The following COA1 variants were observed in gnomAD, a reference collection of about 807,000 sequenced individuals.
COA1 encodes the protein cytochrome c oxidase assembly factor 1.
Under a neutral mutation model 16.0 loss-of-function variants are expected in COA1, and 13 were observed. The ratio of observed to expected loss-of-function variants is 0.81; its 90% confidence interval spans 0.53 to 1.29. The LOEUF is 1.29. Ranked by LOEUF, COA1 falls within the 50% of genes most tolerant of loss-of-function variation. The probability of loss-of-function intolerance (pLI) is 0.00; values close to 1 mark genes in which losing one functional copy is unlikely to be tolerated. For missense variants in COA1, 179 were observed against 177.0 expected, an observed-to-expected ratio of 1.01 and a Z score of -0.06; for synonymous variants, 65 against 65.7, an observed-to-expected ratio of 0.99 and a Z score of 0.05.
At chr7:43,644,791 C>G (rs977088999) in intron 4 of COA1, among the ~76,000 whole-genome samples, 1,093 of 23,472 alleles carry the variant, frequency 0.047, 27 homozygotes, top group African/African-American at 0.089. Context: ...GGCAGGCAGG[C>G]AGAGAGACAG....
intron 1 of COA1, among the ~76,000 whole-genome samples, chr7:43,677,118 T>C (rs2093561546): frequency 6.6e-6 from 1 of 152,264 alleles, no homozygotes; most frequent in Admixed American, 6.5e-5. Context: ...TCTATATGTT[T>C]TTCTTGTAAG....
chr7:43,631,668 T>C (rs2085184133), intron 6 of COA1: 1 of 152,228 alleles, frequency 6.6e-6, no homozygotes, highest in African/African-American at 2.4e-5. Flanking sequence ...CTTTCAAGCT[T>C]TTTTCTGTCT....
chr7:43,655,648 T>C (rs1563272488), intron 1 of COA1, among the ~76,000 whole-genome samples: 1 of 152,038 alleles, frequency 6.6e-6, no homozygotes, highest in Non-Finnish European at 1.5e-5. Flanking sequence ...TGAGACATTT[T>C]CCATCTCAAA....
At chr7:43,645,528 T>C (rs1306166776) in intron 3 of COA1, 129 bp from the exon 4 acceptor site, 6 of 788,724 alleles carry the variant, frequency 7.6e-6, no homozygotes, top group South Asian at 1.7e-5. Flanking sequence ...GATGGACGAA[T>C]AATTAAGGCC....
At chr7:43,613,152 G>C (rs1329031982) in intron 6 of COA1, among the ~76,000 whole-genome samples, 6 of 152,126 alleles carry the variant, frequency 3.9e-5, no homozygotes, top group Non-Finnish European at 5.9e-5. Context: ...TGTTGTACTG[G>C]TTCAGTCTTT....
chr7:43,691,412 G>GAAGA (rs1563385131), intron 1 of COA1, among the ~76,000 whole-genome samples: 1 of 88,636 alleles, frequency 1.1e-5, no homozygotes, highest in Non-Finnish European at 2.2e-5. Flanking sequence ...AGGAAGGAAG[G>GAAGA]AAGAAAGAAA....
chr7:43,719,182 G>C (rs2095456022), intron 1 of COA1, among the ~76,000 whole-genome samples: 1 of 152,008 alleles, frequency 6.6e-6, no homozygotes, highest in Non-Finnish European at 1.5e-5. Flanking sequence ...TGGCCAGGTT[G>C]GTCTCGAACT....
intron 6 of COA1, among the ~76,000 whole-genome samples, chr7:43,613,317 A>G (rs1250789691): frequency 6.6e-6 from 1 of 152,174 alleles, no homozygotes; most frequent in Non-Finnish European, 1.5e-5. Flanking sequence ...AAATGAGGTG[A>G]TGTGTGGTAT....
intron 6 of COA1, chr7:43,632,983 G>A (rs183191507): frequency 6.6e-6 from 1 of 152,344 alleles, no homozygotes. Context: ...TAAGGGCCCT[G>A]GGATTTTCAG....
intron 1 of COA1, among the ~76,000 whole-genome samples, chr7:43,707,948 C>T (rs575758195): frequency 2.8e-4 from 42 of 152,292 alleles, no homozygotes; most frequent in African/African-American, 1.0e-3. Context: ...TGGTTATATC[C>T]AACAGTGTAA....
chr7:43,676,837 T>C (rs577680895), intron 1 of COA1, among the ~76,000 whole-genome samples: 2 of 152,216 alleles, frequency 1.3e-5, no homozygotes, highest in East Asian at 3.9e-4. Context: ...CAAAGTTGGC[T>C]GAAAAAAATA....
At chr7:43,646,953 T>C (rs558716692) in intron 3 of COA1, 1 of 186,926 alleles carries the variant, frequency 5.3e-6, no homozygotes, top group African/African-American at 2.3e-5. Flanking sequence ...AGCATTAAAA[T>C]GACCTTAAAT....
At chr7:43,712,039 T>C (rs955097127) in intron 1 of COA1, among the ~76,000 whole-genome samples, 8 of 152,140 alleles carry the variant, frequency 5.3e-5, no homozygotes, top group African/African-American at 1.9e-4. Context: ...TCCACCGAGG[T>C]AGCTATTATC....
chr7:43,617,106 C>T (rs1209860863), intron 6 of COA1, among the ~76,000 whole-genome samples: 1 of 152,142 alleles, frequency 6.6e-6, no homozygotes, highest in Non-Finnish European at 1.5e-5. Flanking sequence ...AAGTATGAGA[C>T]TGGAAAGTGT....
intron 6 of COA1, among the ~76,000 whole-genome samples, chr7:43,610,771 A>G (rs939332002): frequency 2.0e-5 from 3 of 152,124 alleles, no homozygotes; most frequent in Admixed American, 1.3e-4. Flanking sequence ...TATATATTTA[A>G]TACTATATAA....
intron 1 of COA1, among the ~76,000 whole-genome samples, chr7:43,659,607 C>A (rs1038033311): frequency 6.6e-6 from 1 of 151,994 alleles, no homozygotes; most frequent in South Asian, 2.1e-4. Context: ...TAGAAAAAAA[C>A]ATTTATAAAA....
intron 1 of COA1, among the ~76,000 whole-genome samples, chr7:43,692,939 C>T (rs2094421179): frequency 6.6e-6 from 1 of 152,096 alleles, no homozygotes; most frequent in South Asian, 2.1e-4. Flanking sequence ...ATATTATAAT[C>T]ACCTGGGAGT....
At chr7:43,663,330 C>A (rs957792892) in intron 1 of COA1, among the ~76,000 whole-genome samples, 2 of 152,144 alleles carry the variant, frequency 1.3e-5, no homozygotes, top group African/African-American at 4.8e-5. Flanking sequence ...TTATAAATTA[C>A]CCAATCTCAG....
intron 1 of COA1, among the ~76,000 whole-genome samples, chr7:43,708,107 G>T (rs1465519420): frequency 6.6e-6 from 1 of 152,198 alleles, no homozygotes; most frequent in African/African-American, 2.4e-5. Context: ...AGGAGCCTGA[G>T]GCAGGAGAAT....
Sources: gnomAD v4.1 joint callset for allele counts (sites outside exome capture counted in the v4.1 genomes callset) on GRCh38, gnomAD v4.1.1 for gene constraint, MANE v1.5 for transcripts, NCBI Gene and HGNC (gene_info 2026-07-23, HGNC 2026-07-21) for gene names.